Variants in GTF2E1 observed in about 807,000 individuals in gnomAD.
GTF2E1 encodes general transcription factor IIE subunit 1.
A neutral mutation model predicts 34.9 loss-of-function variants in GTF2E1; 14 were observed. The observed-to-expected ratio is 0.40, with a 90% CI of 0.27 to 0.63. The LOEUF (loss-of-function observed/expected upper bound fraction) is 0.63, where lower values mean the gene tolerates loss of function less well. GTF2E1 is among the 20% of genes least tolerant of loss of function. The pLI is 0.39. For synonymous variants in GTF2E1, 188 were observed against 192.9 expected (o/e 0.97, Z 0.21); for missense variants, 469 against 557.7 (o/e 0.84, Z 1.60).
chr3:120,775,796 A>C (rs1709393964), intron 3 of GTF2E1, among the ~76,000 whole-genome samples: 1 of 152,230 alleles, frequency 6.6e-6, no homozygotes, highest in Admixed American at 6.5e-5. Context: ...ACAGAGTATC[A>C]GCATAGATGT....
At chr3:120,779,615 GAGA>G (rs1709430128) in intron 4 of GTF2E1, among the ~76,000 whole-genome samples, 1 of 152,188 alleles carries the variant, frequency 6.6e-6, no homozygotes, top group Non-Finnish European at 1.5e-5. Context: ...ATGTGTTAAT[GAGA>G]AGATGCTTTC....
intron 2 of GTF2E1, among the ~76,000 whole-genome samples, chr3:120,761,786 A>ATTTTTTTT (rs35658998): frequency 1.7e-5 from 2 of 120,134 alleles, no homozygotes; most frequent in Non-Finnish European, 3.3e-5. Context: ...TCTGAGAGAC[A>ATTTTTTTT]TTTTTTTTTT....
At chr3:120,779,412 A>G (rs2107614286) in intron 4 of GTF2E1, among the ~76,000 whole-genome samples, 1 of 152,292 alleles carries the variant, frequency 6.6e-6, no homozygotes, top group South Asian at 2.1e-4. Context: ...TCAGCCTTTG[A>G]CAATATTTTG....
chr3:120,778,568 GTT>G (rs1292243352), intron 4 of GTF2E1, among the ~76,000 whole-genome samples: 1 of 152,034 alleles, frequency 6.6e-6, no homozygotes, highest in Non-Finnish European at 1.5e-5. Flanking sequence ...ACCTCCTACA[GTT>G]TTTGTTTATT....
At chr3:120,779,329 G>C (rs1169183032) in intron 4 of GTF2E1, among the ~76,000 whole-genome samples, 1 of 152,106 alleles carries the variant, frequency 6.6e-6, no homozygotes, top group Non-Finnish European at 1.5e-5. Context: ...TGTCTTAAAG[G>C]CTTGCATGCA....
intron 2 of GTF2E1, among the ~76,000 whole-genome samples, chr3:120,764,940 T>C (rs1709294323): frequency 1.3e-5 from 2 of 152,072 alleles, no homozygotes. Flanking sequence ...AATTTTCTTC[T>C]GTGTTTAGCA....
At chr3:120,750,274 A>G (rs992065062) in intron 1 of GTF2E1, among the ~76,000 whole-genome samples, 1 of 152,186 alleles carries the variant, frequency 6.6e-6, no homozygotes, top group African/African-American at 2.4e-5. Flanking sequence ...ATATTGTTTT[A>G]TAAATAAAAA....
intron 2 of GTF2E1, among the ~76,000 whole-genome samples, chr3:120,764,040 C>T (rs548849764): frequency 6.6e-6 from 1 of 152,224 alleles, no homozygotes; most frequent in Non-Finnish European, 1.5e-5. Context: ...CTTTATTTGC[C>T]TTTTTGCATG....
At chr3:120,765,312 A>G (rs1448893045) in intron 2 of GTF2E1, among the ~76,000 whole-genome samples, 1 of 151,956 alleles carries the variant, frequency 6.6e-6, no homozygotes, top group Non-Finnish European at 1.5e-5. Context: ...TTTTCTTCCC[A>G]CTTTCAATGC....
At chr3:120,745,340 T>G (rs913714518) in intron 1 of GTF2E1, among the ~76,000 whole-genome samples, 1 of 152,174 alleles carries the variant, frequency 6.6e-6, no homozygotes, top group Non-Finnish European at 1.5e-5. Flanking sequence ...ACTCCCTTAT[T>G]TTAGTCTTCA....
rs1262759851 is a variant in GTF2E1, at chr3:120,749,558, A to T, written c.-30-965A>T. On this transcript the variant is annotated intron_variant, in intron 1 of 4. Coordinates refer to ENST00000283875, the MANE Select transcript of GTF2E1 (RefSeq NM_005513.3). ...TCTGTTTATATGCTGGATTACATTT[A>T]TTGATTTGCGTATATTGAACCAGCC... 5.3e-5 allele frequency among the ~76,000 whole-genome samples: 8 copies of T among 152,130 alleles called. No homozygotes were observed. In the East Asian group the frequency reaches 1.2e-3, roughly 22 times the overall value.
At chr3:120,754,932 G>A (rs964730835) in intron 2 of GTF2E1, among the ~76,000 whole-genome samples, 6 of 152,076 alleles carry the variant, frequency 3.9e-5, no homozygotes, top group African/African-American at 1.4e-4. Flanking sequence ...GGATTTGGAG[G>A]ATCGCATAAT....
intron 2 of GTF2E1, among the ~76,000 whole-genome samples, chr3:120,753,485 T>C (rs1462751558): frequency 6.6e-6 from 1 of 152,194 alleles, no homozygotes; most frequent in African/African-American, 2.4e-5. Flanking sequence ...TTCTTTTCAA[T>C]AGTTCTTAGA....
In GTF2E1 at chr3:120,776,676, A is replaced by T; in HGVS notation, c.892+12A>T. ...AGATATGAAAGAAGGTAAGAGTAGA[A>T]GTCAGTAAAATGGATGTGTCTTAGG... is the stretch of plus-strand genomic sequence containing the variant. On this transcript the variant is annotated intron_variant, in intron 4 of 4. Coordinates refer to ENST00000283875, the MANE Select transcript of GTF2E1 (RefSeq NM_005513.3). The T allele has an allele frequency of 1.2e-6, 2 of 1,607,994 alleles. No individual in the cohort carries two copies. Among genetic ancestry groups the T allele is most frequent in the Non-Finnish European group, 1.7e-6 (2 of 1,177,666 alleles).
At chr3:120,747,959 G>A (rs948177103) in intron 1 of GTF2E1, among the ~76,000 whole-genome samples, 11 of 151,974 alleles carry the variant, frequency 7.2e-5, no homozygotes, top group Non-Finnish European at 1.3e-4. Flanking sequence ...GTGTGAGATG[G>A]TATCTCATTG....
chr3:120,745,184 T>C (rs1371779607), intron 1 of GTF2E1, among the ~76,000 whole-genome samples: 2 of 152,200 alleles, frequency 1.3e-5, no homozygotes, highest in African/African-American at 2.4e-5. Flanking sequence ...TTACAGGTAT[T>C]AGCCACTGTA....
intron 3 of GTF2E1, among the ~76,000 whole-genome samples, chr3:120,771,919 A>G (rs1414178522): frequency 6.6e-6 from 1 of 152,180 alleles, no homozygotes; most frequent in Non-Finnish European, 1.5e-5. Context: ...GAACAATAAG[A>G]AAATTTGTCT....
At chr3:120,756,625 T>A (rs966386979) in intron 2 of GTF2E1, among the ~76,000 whole-genome samples, 1 of 152,102 alleles carries the variant, frequency 6.6e-6, no homozygotes, top group African/African-American at 2.4e-5. Flanking sequence ...ATTTGAGAAC[T>A]TTTTTAAAAA....
chr3:120,743,122 G>A (rs983146507), intron 1 of GTF2E1: 1 of 155,998 alleles, frequency 6.4e-6, no homozygotes, highest in South Asian at 1.8e-4. Flanking sequence ...TTTCGCGGTA[G>A]TTTGCCGCTG....
Sources: gnomAD v4.1 joint callset for allele counts (sites outside exome capture counted in the v4.1 genomes callset) on GRCh38, gnomAD v4.1.1 for gene constraint, MANE v1.5 for transcripts, NCBI Gene and HGNC (gene_info 2026-07-23, HGNC 2026-07-21) for gene names.